The following EIF4G3 variants were observed in gnomAD, a reference collection of about 807,000 sequenced individuals.
The protein encoded by EIF4G3 is eIF-4-gamma 3.
A neutral mutation model predicts 186.4 loss-of-function variants in EIF4G3; 34 were observed. The ratio of observed to expected loss-of-function variants is 0.18; its 90% CI spans 0.14 to 0.24. The LOEUF (loss-of-function observed/expected upper bound fraction) is 0.24. EIF4G3 is among the 10% of genes least tolerant of loss of function. EIF4G3 has a pLI of 1.00. For synonymous variants in EIF4G3, 673 were observed against 679.5 expected, an observed-to-expected ratio of 0.99 and a Z score of 0.15; for missense variants, 1,536 against 1,948.5, an observed-to-expected ratio of 0.79 and a Z score of 3.99.
At chr1:20,906,095 T>C (rs1348165280) in intron 14 of EIF4G3, among the ~76,000 whole-genome samples, 1 of 152,226 alleles carries the variant, frequency 6.6e-6, no homozygotes, top group Non-Finnish European at 1.5e-5. Context: ...TTCTTTGTTA[T>C]ACACATCTCA....
chr1:21,016,496 G>A (rs1373241093), intron 4 of EIF4G3, among the ~76,000 whole-genome samples: 1 of 152,042 alleles, frequency 6.6e-6, no homozygotes, highest in Non-Finnish European at 1.5e-5. Context: ...GACCAACTTG[G>A]TCAACACTGT....
chr1:21,069,025 A>G (rs758448113), intron 3 of EIF4G3, among the ~76,000 whole-genome samples: 3 of 152,152 alleles, frequency 2.0e-5, no homozygotes, highest in Non-Finnish European at 4.4e-5. Flanking sequence ...ACCTGTATAA[A>G]CTGTTCTGTT....
chr1:20,881,885 G>A (rs763848416), intron 19 of EIF4G3, among the ~76,000 whole-genome samples: 20 of 151,184 alleles, frequency 1.3e-4, no homozygotes, highest in African/African-American at 1.9e-4. Flanking sequence ...AAATGAGGCC[G>A]GGTGCAGTGG....
chr1:21,024,269 G>A (rs1167758417), intron 4 of EIF4G3, among the ~76,000 whole-genome samples: 2 of 150,300 alleles, frequency 1.3e-5, no homozygotes, highest in African/African-American at 2.5e-5. Context: ...GGTGAGGGGC[G>A]CCTCTGCCCG....
intron 2 of EIF4G3, among the ~76,000 whole-genome samples, chr1:21,168,274 G>A (rs2097893886): frequency 6.6e-6 from 1 of 151,922 alleles, no homozygotes; most frequent in African/African-American, 2.4e-5. Context: ...TCGTGGTGGA[G>A]GGCACCTGTA....
At chr1:21,062,434 A>G (rs1339572212) in intron 3 of EIF4G3, among the ~76,000 whole-genome samples, 4 of 152,200 alleles carry the variant, frequency 2.6e-5, no homozygotes. Flanking sequence ...CTAAAATTAA[A>G]TCAAAGTCAG....
At chr1:20,942,387 C>T in intron 13 of EIF4G3, 57 bp from the exon 14 acceptor site, 1 of 1,497,086 alleles carries the variant, frequency 6.7e-7, no homozygotes, top group Non-Finnish European at 8.9e-7. Flanking sequence ...CTACATATTG[C>T]CTTGGGCCAA....
Position 20,938,823 on chromosome 1 carries a change from T to G in EIF4G3, c.1663+2668A>C, listed in dbSNP as rs561516973. Reference sequence around the variant, plus strand: ...TTCTGAGGCTTTATAATTTACAAACTGCTGGCCAGGTGTGGTGGCTCATGC... The same window carrying G: ...TTCTGAGGCTTTATAATTTACAAACGGCTGGCCAGGTGTGGTGGCTCATGC... On this transcript the variant is annotated intron_variant, in intron 14 of 36. Transcript: ENST00000602326. Among the ~76,000 whole-genome samples, 144 of 152,288 alleles carry G rather than the reference T, an allele frequency of 9.5e-4. 2 individuals are homozygous for G. The highest frequency in any genetic ancestry group is 7.5e-3 in the South Asian group (36 of 4,828).
intron 17 of EIF4G3, among the ~76,000 whole-genome samples, chr1:20,894,637 T>G (rs927125486): frequency 1.3e-5 from 2 of 152,186 alleles, no homozygotes; most frequent in African/African-American, 4.8e-5. Context: ...AATGAAACAC[T>G]AGGCATAAAT....
At chr1:20,834,544 A>G (rs2066198757) in intron 30 of EIF4G3, among the ~76,000 whole-genome samples, 1 of 152,218 alleles carries the variant, frequency 6.6e-6, no homozygotes, top group African/African-American at 2.4e-5. Context: ...AGAGAAGGAA[A>G]AAGATATTTC....
intron 7 of EIF4G3, among the ~76,000 whole-genome samples, chr1:20,984,131 C>A (rs1257970784): frequency 6.6e-6 from 1 of 151,972 alleles, no homozygotes; most frequent in African/African-American, 2.4e-5. Context: ...CCAAAAAAAG[C>A]CACTAAATAT....
intron 7 of EIF4G3, among the ~76,000 whole-genome samples, chr1:20,988,868 A>G (rs992660368): frequency 6.6e-6 from 1 of 151,412 alleles, no homozygotes; most frequent in African/African-American, 2.4e-5. Context: ...GGCAAACTAC[A>G]TAAAAAACTT....
chr1:21,014,139 A>G lies in EIF4G3; in HGVS notation c.-66-11331T>C, dbSNP rs2088096510. On this transcript the variant is annotated intron_variant, in intron 4 of 36. Transcript: ENST00000602326. Reference sequence around the variant, plus strand: ...AGCCGAGATCATGCCACTGCACTCCAGCCTGGGTGACAAAGCGAGACTCCA... The same window carrying G: ...AGCCGAGATCATGCCACTGCACTCCGGCCTGGGTGACAAAGCGAGACTCCA... Among the ~76,000 whole-genome samples, 6 of 152,212 alleles carry G rather than the reference A, an allele frequency of 3.9e-5. No individual in the cohort carries two copies. The South Asian group carries it at 1.2e-3, about 32-fold the overall frequency.
At chr1:21,166,644 T>C (rs2097859940) in intron 2 of EIF4G3, among the ~76,000 whole-genome samples, 1 of 152,128 alleles carries the variant, frequency 6.6e-6, no homozygotes, top group African/African-American at 2.4e-5. Context: ...TGAGAATTGC[T>C]TGAACCTAGG....
At chr1:21,072,693 C>T (rs1358524663) in intron 3 of EIF4G3, among the ~76,000 whole-genome samples, 2 of 152,266 alleles carry the variant, frequency 1.3e-5, no homozygotes, top group South Asian at 2.1e-4. Flanking sequence ...TGAGCCACCA[C>T]GCCTAGCCTT....
intron 3 of EIF4G3, among the ~76,000 whole-genome samples, chr1:21,080,872 T>C (rs1377242106): frequency 6.6e-6 from 1 of 152,166 alleles, no homozygotes; most frequent in Non-Finnish European, 1.5e-5. Context: ...AATTTCTCCT[T>C]CTTTTAGTAA....
At position 20,886,252 on chromosome 1, in the gene EIF4G3, T is replaced by C; in HGVS notation, c.2373A>G (p.Pro791=). 1 of 1,614,094 alleles carries C rather than the reference T, an allele frequency of 6.2e-7. No individual in the cohort carries two copies. The highest frequency in any genetic ancestry group is 8.5e-7 in the Non-Finnish European group (1 of 1,179,968). ...CGGCTTGGCTGTCTCGTTTTTGGCT[T>C]GGCTTCCAGGCATTTTCTGCCTTTT... is the stretch of plus-strand genomic sequence containing the variant. ...HLKKAENAWK[P]SQKRDSQADD... is the part of the protein sequence containing the mutation. The change falls in exon 19 of 37, where the codon CCA becomes CCG. Residue 791 remains proline (P), a synonymous_variant. Transcript: ENST00000602326.
At chr1:20,853,456 G>C (rs1037332488) in intron 27 of EIF4G3, 104 bp downstream of exon 27, 1 of 656,034 alleles carries the variant, frequency 1.5e-6, no homozygotes, top group African/African-American at 1.8e-5. Context: ...AGGAATAAAA[G>C]GAATGCATCC....
Position 20,813,233 on chromosome 1 carries a change from G to A in EIF4G3, c.4522C>T (p.Leu1508=). The change falls in exon 35 of 37, where the codon CTA becomes TTA. Residue 1508 remains leucine, a synonymous_variant. Transcript: ENST00000602326. The part of the protein sequence containing the change: ...EQIFDWVEAN[L]DEIQMSSPTF... The stretch of plus-strand genomic sequence containing the variant: ...GGTGAACTCATCTGGATTTCGTCTA[G>A]ATTAGCCTGAAGTCAAAAAGAAATA... 1 of 1,612,568 alleles carries A rather than the reference G, an allele frequency of 6.2e-7. No individual in the cohort carries two copies. The highest frequency in any genetic ancestry group is 8.5e-7 in the Non-Finnish European group (1 of 1,178,980).
Sources: allele counts gnomAD v4.1 joint callset (sites outside exome capture counted in the v4.1 genomes callset), GRCh38; gene constraint gnomAD v4.1.1; transcripts MANE v1.5; gene names NCBI Gene and HGNC (gene_info 2026-07-23, HGNC 2026-07-21).